The following DACH2 variants were observed in gnomAD, a reference collection of about 807,000 sequenced individuals.
DACH2 encodes dachshund homolog 2.
DACH2 carries 17 observed loss-of-function variants against 35.8 expected under a neutral mutation model. The ratio of observed to expected loss-of-function variants is 0.48; its 90% CI spans 0.33 to 0.71. DACH2 has a LOEUF of 0.71. Ranked by LOEUF, DACH2 falls within the 30% of genes least tolerant of loss-of-function variation. The pLI is 0.02. For missense variants in DACH2, 469 were observed against 472.7 expected, an observed-to-expected ratio of 0.99 and a Z score of 0.07; for synonymous variants, 195 against 177.3, an observed-to-expected ratio of 1.10 and a Z score of -0.79.
At chrX:86,800,226 T>C (rs965507662) in intron 7 of DACH2, among the ~76,000 whole-genome samples, 1 of 112,275 alleles carries the variant, frequency 8.9e-6, no homozygotes, top group African/African-American at 3.2e-5. Context: ...CACTCTTCAA[T>C]TTATAGCACT....
intron 7 of DACH2, among the ~76,000 whole-genome samples, chrX:86,803,166 AAT>A (rs2042311028): frequency 9.0e-6 from 1 of 111,587 alleles, no homozygotes; most frequent in African/African-American, 3.3e-5. Context: ...GGCTCTATAA[AAT>A]ATAGAGTTAC....
At chrX:86,812,779 T>C (rs775667652) in intron 7 of DACH2, 77 bp from the exon 8 acceptor site, 2 of 666,324 alleles carry the variant, frequency 3.0e-6, no homozygotes, top group South Asian at 4.8e-5. Context: ...TCTTTATAGA[T>C]GCTTAGTAGA....
At chrX:86,518,251 C>T (rs1254953002) in intron 3 of DACH2, among the ~76,000 whole-genome samples, 1 of 111,959 alleles carries the variant, frequency 8.9e-6, no homozygotes, top group Non-Finnish European at 1.9e-5. Context: ...TTCCATTGGT[C>T]TGTGTGCCTG....
chrX:86,595,708 A>T (rs4828151), intron 3 of DACH2, among the ~76,000 whole-genome samples: 2 of 107,264 alleles, frequency 1.9e-5, no homozygotes, highest in African/African-American at 3.4e-5. Context: ...CCTTTTCTGC[A>T]TTTTCTGGTT....
intron 1 of DACH2, among the ~76,000 whole-genome samples, chrX:86,334,002 C>T (rs1569353329): frequency 9.0e-6 from 1 of 111,712 alleles, no homozygotes; most frequent in Non-Finnish European, 1.9e-5. Context: ...TGAGAACATA[C>T]ACTGTTTGGT....
chrX:86,821,961 A>G (rs2042517181), intron 11 of DACH2, among the ~76,000 whole-genome samples: 1 of 111,503 alleles, frequency 9.0e-6, no homozygotes, highest in Non-Finnish European at 1.9e-5. Context: ...GTTTTTTACT[A>G]TAATCTAGGA....
intron 2 of DACH2, among the ~76,000 whole-genome samples, chrX:86,389,354 C>G (rs999230924): frequency 1.8e-5 from 2 of 112,225 alleles, no homozygotes; most frequent in African/African-American, 6.5e-5. Flanking sequence ...TCTTTCCTTG[C>G]ACTTTACAAA....
intron 2 of DACH2, among the ~76,000 whole-genome samples, chrX:86,478,723 G>C (rs754202969): frequency 1.8e-5 from 2 of 108,770 alleles, no homozygotes; most frequent in African/African-American, 6.7e-5. Flanking sequence ...AAATTCCTAG[G>C]GGGAGCAGAC....
chrX:86,339,838 T>G (rs1241999926), intron 1 of DACH2, among the ~76,000 whole-genome samples: 1 of 111,932 alleles, frequency 8.9e-6, no homozygotes, highest in African/African-American at 3.2e-5. Context: ...CCACTATAAA[T>G]TCAACCCTTC....
chrX:86,646,588 G>A (rs930830598), intron 3 of DACH2, among the ~76,000 whole-genome samples: 1 of 110,176 alleles, frequency 9.1e-6, no homozygotes, highest in Non-Finnish European at 1.9e-5. Flanking sequence ...CAAACATGAA[G>A]TGGTACTATA....
chrX:86,721,499 G>C (rs182702563), intron 6 of DACH2, among the ~76,000 whole-genome samples: 425 of 111,406 alleles, frequency 3.8e-3, no homozygotes, highest in Non-Finnish European at 5.7e-3. Context: ...CCTCAGCCTG[G>C]ACTTTATTGT....
At chrX:86,417,961 C>A (rs1182163543) in intron 2 of DACH2, among the ~76,000 whole-genome samples, 1 of 111,666 alleles carries the variant, frequency 9.0e-6, no homozygotes, top group African/African-American at 3.3e-5. Context: ...TACAGCCATT[C>A]CAAATGGGAG....
At chrX:86,697,452 T>C (rs1189039865) in intron 5 of DACH2, among the ~76,000 whole-genome samples, 1 of 110,961 alleles carries the variant, frequency 9.0e-6, no homozygotes, top group Non-Finnish European at 1.9e-5. Flanking sequence ...TCCTATTACA[T>C]CATTTCTGGC....
At chrX:86,162,832 C>T (rs987191815) in intron 1 of DACH2, among the ~76,000 whole-genome samples, 4 of 110,651 alleles carry the variant, frequency 3.6e-5, no homozygotes, top group Non-Finnish European at 5.7e-5. Context: ...ATTTTTGAAA[C>T]GTGTTGAGAA....
chrX:86,439,107 T>G (rs766236640), intron 2 of DACH2, among the ~76,000 whole-genome samples: 5 of 112,332 alleles, frequency 4.5e-5, no homozygotes, highest in Non-Finnish European at 9.4e-5. Flanking sequence ...TAGGATGATA[T>G]CTCATTGTGG....
At chrX:86,741,431 C>A in intron 7 of DACH2, among the ~76,000 whole-genome samples, 2 of 111,639 alleles carry the variant, frequency 1.8e-5, no homozygotes, top group East Asian at 5.7e-4. Flanking sequence ...AGAGCCTGGG[C>A]AGCAGTATTT....
At chrX:86,459,294 A>G (rs1470660364) in intron 2 of DACH2, among the ~76,000 whole-genome samples, 1 of 111,720 alleles carries the variant, frequency 9.0e-6, no homozygotes, top group African/African-American at 3.2e-5. Flanking sequence ...TGAACAGTTG[A>G]AGACCATTAG....
At chrX:86,173,755 A>C (rs891228267) in intron 1 of DACH2, among the ~76,000 whole-genome samples, 2 of 112,150 alleles carry the variant, frequency 1.8e-5, no homozygotes, top group Admixed American at 1.9e-4. Context: ...TGTTTTAAGC[A>C]GGAGTATAAG....
intron 2 of DACH2, among the ~76,000 whole-genome samples, chrX:86,391,253 G>A (rs1435774847): frequency 2.4e-5 from 2 of 82,451 alleles, no homozygotes; most frequent in African/African-American, 9.8e-5. Context: ...TGCACCACTC[G>A]GGCTGGGTGA....
Sources: gnomAD v4.1 joint callset for allele counts (sites outside exome capture counted in the v4.1 genomes callset) on GRCh38, gnomAD v4.1.1 for gene constraint, MANE v1.5 for transcripts, NCBI Gene and HGNC (gene_info 2026-07-23, HGNC 2026-07-21) for gene names.